MRE11: variants seen among roughly 807,000 people sequenced by gnomAD.
MRE11 encodes double-strand break repair protein MRE11.
In MRE11, 62 loss-of-function variants were observed where a neutral mutation model predicts 91.7. The observed-to-expected ratio is 0.68, with a 90% CI of 0.55 to 0.84. The LOEUF (loss-of-function observed/expected upper bound fraction) is 0.84. Ranked by LOEUF, MRE11 falls within the 40% of genes least tolerant of loss-of-function variation. MRE11 has a pLI of 0.00. For missense variants in MRE11, 796 were observed against 852.9 expected (o/e 0.93, Z 0.83); for synonymous variants, 273 against 271.4 (o/e 1.01, Z -0.06).
At chr11:94,429,804 T>C (rs1945414081) in intron 19 of MRE11, 107 bp downstream of exon 19, 2 of 930,216 alleles carry the variant, frequency 2.2e-6, no homozygotes, top group African/African-American at 3.3e-5. Context: ...ACATAAAAGA[T>C]GAAGTTATTT....
intron 6 of MRE11, among the ~76,000 whole-genome samples, 196 bp downstream of exon 6, chr11:94,478,539 C>T (rs538509371): frequency 3.9e-5 from 6 of 152,114 alleles, no homozygotes; most frequent in Non-Finnish European, 8.8e-5. Context: ...TAAAAAAAAC[C>T]CAAAATAATA....
chr11:94,449,458 A>T (rs1282758482), intron 14 of MRE11, among the ~76,000 whole-genome samples: 2 of 152,194 alleles, frequency 1.3e-5, no homozygotes, highest in Non-Finnish European at 2.9e-5. Flanking sequence ...ATCAACACTC[A>T]CGATACTTTT....
intron 2 of MRE11, among the ~76,000 whole-genome samples, chr11:94,492,391 C>A (rs773636489): frequency 7.9e-5 from 12 of 152,100 alleles, no homozygotes; most frequent in Non-Finnish European, 1.6e-4. Flanking sequence ...TATTCCCATT[C>A]CATTCAAATT....
chr11:94,448,231 G>T (rs919837288), intron 14 of MRE11, among the ~76,000 whole-genome samples: 3 of 152,050 alleles, frequency 2.0e-5, no homozygotes, highest in Admixed American at 2.0e-4. Flanking sequence ...TAAAAAATTA[G>T]TTTTATAATC....
chr11:94,417,625 T>C lies in MRE11; in HGVS notation c.*2500A>G, dbSNP rs1945063346. The C allele has an allele frequency of 4.3e-6, 1 of 232,992 alleles. No individual in the cohort carries two copies. The highest frequency in any genetic ancestry group is 8.5e-6 in the Non-Finnish European group (1 of 117,952). The allele number at this position is 232,992 out of a possible 1,614,324, so 14.4% of individuals were successfully genotyped here. ...CTTTTAAATTACAGAAGTTAGGGCT[T>C]GTTACCCAGAAAGGAGAAAACAATA... On this transcript the variant is annotated 3_prime_UTR_variant, in exon 20 of 20. Transcript: ENST00000323929.
chr11:94,440,248 C>T (rs1001351528), intron 16 of MRE11, among the ~76,000 whole-genome samples: 1 of 152,086 alleles, frequency 6.6e-6, no homozygotes, highest in Non-Finnish European at 1.5e-5. Context: ...TTAGTCAAGC[C>T]ATTCTGTAAA....
At chr11:94,449,840 T>C (rs1257042023) in intron 14 of MRE11, among the ~76,000 whole-genome samples, 1 of 152,204 alleles carries the variant, frequency 6.6e-6, no homozygotes. Context: ...TCTAAGCATA[T>C]CTTAATAGAA....
At chr11:94,452,823 T>G (rs1358999980) in intron 14 of MRE11, among the ~76,000 whole-genome samples, 1 of 152,222 alleles carries the variant, frequency 6.6e-6, no homozygotes, top group African/African-American at 2.4e-5. Flanking sequence ...ACTTTTTTTT[T>G]GTGGTGAAAT....
At position 94,418,296 on chromosome 11, in the gene MRE11, T is replaced by G. The variant is rs549834262; in HGVS notation, c.*1829A>C. 3 of 233,126 alleles carry G rather than the reference T, an allele frequency of 1.3e-5. No individual in the cohort carries two copies. Among genetic ancestry groups the G allele is most frequent in the African/African-American group, 6.6e-5 (3 of 45,346 alleles). The allele number at this position is 233,126 out of a possible 1,614,324, so 14.4% of individuals were successfully genotyped here. On this transcript the variant is annotated 3_prime_UTR_variant, in exon 20 of 20. Transcript: ENST00000323929. ...ATGACCTGAATTAGCTGGAGAGATT[T>G]ATCACCCTCTGTAACTGCTATGTCA...
intron 19 of MRE11, among the ~76,000 whole-genome samples, chr11:94,425,656 A>C (rs1945294415): frequency 6.6e-6 from 1 of 152,224 alleles, no homozygotes; most frequent in Non-Finnish European, 1.5e-5. Context: ...AGAAAGATCT[A>C]ACATGCAAAT....
At chr11:94,473,716 G>T (rs1687754389) in intron 7 of MRE11, 1 of 152,086 alleles carries the variant, frequency 6.6e-6, no homozygotes, top group African/African-American at 2.4e-5. Context: ...ACTAGATACA[G>T]AAAGGCTAAA....
At chr11:94,452,822 T>G (rs571125800) in intron 14 of MRE11, among the ~76,000 whole-genome samples, 1 of 152,328 alleles carries the variant, frequency 6.6e-6, no homozygotes, top group East Asian at 1.9e-4. Context: ...CACTTTTTTT[T>G]TGTGGTGAAA....
At chr11:94,497,137 A>ATCTTTAT (rs1947427973), upstream of MRE11, 59 of 720,306 alleles carry the variant, frequency 8.2e-5, no homozygotes, top group Middle Eastern at 7.2e-4. Flanking sequence ...TGGGGGTTTA[A>ATCTTTAT]GGATAATTAT....
At chr11:94,491,541 G>A (rs1391711066) in intron 2 of MRE11, among the ~76,000 whole-genome samples, 1 of 152,088 alleles carries the variant, frequency 6.6e-6, no homozygotes, top group Non-Finnish European at 1.5e-5. Context: ...CAATGTAATA[G>A]TTATTAATAC....
chr11:94,478,153 G>A (rs1356185741), intron 6 of MRE11, among the ~76,000 whole-genome samples: 1 of 152,096 alleles, frequency 6.6e-6, no homozygotes, highest in African/African-American at 2.4e-5. Flanking sequence ...TGCTTCTGGT[G>A]GTGACTGAGG....
chr11:94,478,987 G>C (rs1164129695), intron 5 of MRE11, 111 bp from the exon 6 acceptor site: 3 of 1,218,254 alleles, frequency 2.5e-6, no homozygotes, highest in Non-Finnish European at 3.5e-6. Flanking sequence ...CAAAAACATA[G>C]ATGAGGATAG....
the MRE11 span, chr11:94,499,243 C>G: frequency 1.3e-5 from 2 of 152,812 alleles, no homozygotes; most frequent in African/African-American, 4.8e-5. Context: ...ATCACGATGA[C>G]CTTGTAGACA....
intron 19 of MRE11, among the ~76,000 whole-genome samples, chr11:94,427,547 A>G: frequency 6.6e-6 from 1 of 152,212 alleles, no homozygotes; most frequent in East Asian, 1.9e-4. Context: ...AGCCAGAGCA[A>G]TCAGGCAAGA....
At chr11:94,470,040 T>C (rs1321900557) in intron 9 of MRE11, among the ~76,000 whole-genome samples, 1 of 152,090 alleles carries the variant, frequency 6.6e-6, no homozygotes, top group Non-Finnish European at 1.5e-5. Context: ...ATTTTTCACA[T>C]TTCATTTGGG....
Sources: allele counts gnomAD v4.1 joint callset (sites outside exome capture counted in the v4.1 genomes callset), GRCh38; gene constraint gnomAD v4.1.1; transcripts MANE v1.5; gene names NCBI Gene and HGNC (gene_info 2026-07-23, HGNC 2026-07-21).